The following OCIAD1 variants were observed in gnomAD, a reference collection of about 807,000 sequenced individuals.
The protein encoded by OCIAD1 is OCIA domain containing 1, also known as OCIA domain-containing protein 1.
A neutral mutation model predicts 38.9 loss-of-function variants in OCIAD1; 29 were observed. The ratio of observed to expected loss-of-function variants is 0.74; its 90% CI spans 0.55 to 1.02. The LOEUF is 1.02. Among genes scored for constraint, OCIAD1 ranks in the 50% least tolerant of loss-of-function variants. The pLI, the probability that OCIAD1 is intolerant of heterozygous loss-of-function variation, is 0.00. For missense variants in OCIAD1, 288 were observed against 289.6 expected (o/e 0.99, Z 0.04); for synonymous variants, 110 against 92.0 (o/e 1.20, Z -1.12).
chr4:48,842,787 T>G, intron 4 of OCIAD1, 98 bp downstream of exon 4: 1 of 659,854 alleles, frequency 1.5e-6, no homozygotes, highest in Non-Finnish European at 2.5e-6. Flanking sequence ...TAACAATGTA[T>G]CATATTAAAC....
At chr4:48,810,361 C>A (rs375114773) in intron 1 of OCIAD1, among the ~76,000 whole-genome samples, 2 of 147,298 alleles carry the variant, frequency 1.4e-5, no homozygotes, top group South Asian at 2.2e-4. Context: ...CCCAGCTACT[C>A]GGGAGGCCGA....
At chr4:48,849,593 GAAAT>G (rs1322523873) in intron 5 of OCIAD1, among the ~76,000 whole-genome samples, 2 of 152,248 alleles carry the variant, frequency 1.3e-5, no homozygotes, top group East Asian at 1.9e-4. Flanking sequence ...TTTAGAACTA[GAAAT>G]AAATAAATGT....
intron 7 of OCIAD1, among the ~76,000 whole-genome samples, chr4:48,853,728 T>C (rs1013554211): frequency 2.0e-4 from 30 of 152,192 alleles, no homozygotes; most frequent in Admixed American, 5.9e-4. Flanking sequence ...ACTTGCTCAA[T>C]AGTCACATGT....
At chr4:48,809,525 CAAAA>C (rs1437761274) in intron 1 of OCIAD1, among the ~76,000 whole-genome samples, 1 of 151,276 alleles carries the variant, frequency 6.6e-6, no homozygotes, top group African/African-American at 2.4e-5. Flanking sequence ...GACTCTGTCT[CAAAA>C]TAAATAAATA....
chr4:48,846,892 T>C (rs1779027067), intron 4 of OCIAD1, among the ~76,000 whole-genome samples: 1 of 152,234 alleles, frequency 6.6e-6, no homozygotes, highest in Non-Finnish European at 1.5e-5. Context: ...AGTTTTCCTC[T>C]GTGTGAATAC....
At chr4:48,860,625 T>G in intron 8 of OCIAD1, 100 bp from the exon 9 acceptor site, 1 of 925,586 alleles carries the variant, frequency 1.1e-6, no homozygotes, top group Non-Finnish European at 1.8e-6. Flanking sequence ...TTTATTCAAA[T>G]GAGAGAGAAA....
In OCIAD1 at chr4:48,860,803, C is replaced by T; in HGVS notation, c.*41C>T. ...GACATGAAGGAGTTTCAACATCCAG[C>T]TTCATCTAGGTGGTCATGATTACCT... On this transcript the variant is annotated 3_prime_UTR_variant, in exon 9 of 9. Transcript: ENST00000264312. 1 of 1,471,164 alleles carries T rather than the reference C, an allele frequency of 6.8e-7. No homozygotes were observed. The allele number at this position is 1,471,164 out of a possible 1,614,324, so 91.1% of individuals were successfully genotyped here. A position where few individuals can be genotyped will look rare whatever the true frequency, so the allele number is the denominator to read the frequency against.
intron 3 of OCIAD1, among the ~76,000 whole-genome samples, chr4:48,841,733 A>C (rs1778549841): frequency 6.6e-6 from 1 of 152,198 alleles, no homozygotes; most frequent in Admixed American, 6.5e-5. Flanking sequence ...ACCAACTTCC[A>C]TTATCATAAA....
chr4:48,842,502 G>A lies in OCIAD1; in HGVS notation c.140-134G>A, dbSNP rs1326034205. 10 of 629,332 alleles carry A rather than the reference G, an allele frequency of 1.6e-5. No homozygotes were observed. The Admixed American group carries it at 2.7e-4, about 17-fold the overall frequency. The allele number at this position is 629,332 out of a possible 1,614,324, so 39.0% of individuals were successfully genotyped here. A position where few individuals can be genotyped will look rare whatever the true frequency, so the allele number is the denominator to read the frequency against. On this transcript the variant is annotated intron_variant, in intron 3 of 8. Transcript: ENST00000264312. ...GTATACAGTACAGCTTTTAAAAATG[G>A]AACAGTCTTTTTTAAAGGTCTTAGT...
chr4:48,836,113 C>T (rs1233619045), intron 3 of OCIAD1, among the ~76,000 whole-genome samples: 1 of 151,908 alleles, frequency 6.6e-6, no homozygotes, highest in African/African-American at 2.4e-5. Flanking sequence ...TAACAGTGTG[C>T]AAGATGGGTA....
At chr4:48,832,524 T>G (rs1230655409) in intron 1 of OCIAD1, 96 bp from the exon 2 acceptor site, 22 of 861,298 alleles carry the variant, frequency 2.6e-5, no homozygotes, top group Non-Finnish European at 3.4e-5. Flanking sequence ...TTGATTGCTG[T>G]GTAGACTAGT....
At chr4:48,857,127 T>C in intron 7 of OCIAD1, 86 bp from the exon 8 acceptor site, 1 of 723,590 alleles carries the variant, frequency 1.4e-6, no homozygotes, top group Non-Finnish European at 2.1e-6. Context: ...TTGTAGCTCC[T>C]TTTGTAAGGA....
intron 3 of OCIAD1, among the ~76,000 whole-genome samples, chr4:48,837,977 A>T (rs1462812008): frequency 2.6e-5 from 4 of 152,170 alleles, no homozygotes; most frequent in Non-Finnish European, 5.9e-5. Flanking sequence ...GAACAGTACA[A>T]AGCTAAGTGA....
At chr4:48,825,815 ACTTT>A (rs1338884258) in intron 1 of OCIAD1, among the ~76,000 whole-genome samples, 3 of 91,590 alleles carry the variant, frequency 3.3e-5, no homozygotes, top group African/African-American at 1.3e-4. Context: ...TTTCTTTCTT[ACTTT>A]CTTTTTCTTT....
At chr4:48,818,906 C>T (rs1179577626) in intron 1 of OCIAD1, among the ~76,000 whole-genome samples, 1 of 151,988 alleles carries the variant, frequency 6.6e-6, no homozygotes, top group East Asian at 1.9e-4. Context: ...AAAAAACCTT[C>T]AAGAAATATG....
chr4:48,820,591 C>A (rs550728472), intron 1 of OCIAD1, among the ~76,000 whole-genome samples: 1 of 152,194 alleles, frequency 6.6e-6, no homozygotes, highest in South Asian at 2.1e-4. Flanking sequence ...AAAAACCCTT[C>A]AAAAATTCAA....
intron 1 of OCIAD1, among the ~76,000 whole-genome samples, chr4:48,821,095 A>C (rs1484246704): frequency 6.6e-6 from 1 of 152,168 alleles, no homozygotes; most frequent in African/African-American, 2.4e-5. Flanking sequence ...GAGACACAAC[A>C]AAAAAAGAAA....
chr4:48,810,278 G>A (rs1299774327), intron 1 of OCIAD1, among the ~76,000 whole-genome samples: 1 of 151,696 alleles, frequency 6.6e-6, no homozygotes, highest in Non-Finnish European at 1.5e-5. Context: ...AACCATCCTG[G>A]CTAACACGGT....
At chr4:48,853,028 C>T (rs1374201110) in intron 7 of OCIAD1, among the ~76,000 whole-genome samples, 3 of 151,372 alleles carry the variant, frequency 2.0e-5, no homozygotes, top group Admixed American at 6.6e-5. Context: ...TGCAGGTGCC[C>T]GCCACCACGC....
Sources: allele counts gnomAD v4.1 joint callset (sites outside exome capture counted in the v4.1 genomes callset), GRCh38; gene constraint gnomAD v4.1.1; transcripts MANE v1.5; gene names NCBI Gene and HGNC (gene_info 2026-07-23, HGNC 2026-07-21).